Variants in RTN4RL1 observed in about 807,000 individuals in gnomAD.
The protein encoded by RTN4RL1 is reticulon-4 receptor-like 1.
In RTN4RL1, 7 loss-of-function variants were observed where a neutral mutation model predicts 25.6. That is an observed-to-expected ratio of 0.27 (90% CI 0.16 to 0.51). The LOEUF (loss-of-function observed/expected upper bound fraction) is 0.51, where lower values mean the gene tolerates loss of function less well. Ranked by LOEUF, RTN4RL1 falls within the 20% of genes least tolerant of loss-of-function variation. The pLI is 0.97. For synonymous variants in RTN4RL1, 297 were observed against 288.2 expected (o/e 1.03, Z -0.31); for missense variants, 500 against 615.6 (o/e 0.81, Z 1.99).
At chr17:1,975,929 A>T (rs1426191736) in intron 1 of RTN4RL1, among the ~76,000 whole-genome samples, 1 of 152,242 alleles carries the variant, frequency 6.6e-6, no homozygotes, top group Non-Finnish European at 1.5e-5. Context: ...AAATAAAAAC[A>T]GTAGCCCGTA....
chr17:1,975,350 C>A (rs2066838369), intron 1 of RTN4RL1, among the ~76,000 whole-genome samples: 1 of 152,126 alleles, frequency 6.6e-6, no homozygotes, highest in Non-Finnish European at 1.5e-5. Context: ...TTCAGAGCAT[C>A]AGCAGAAAAC....
chr17:1,945,229 T>A (rs940954589), intron 1 of RTN4RL1, among the ~76,000 whole-genome samples: 1 of 152,104 alleles, frequency 6.6e-6, no homozygotes, highest in Non-Finnish European at 1.5e-5. Context: ...GGTGGTTTTG[T>A]TTTTTGTTTT....
intron 1 of RTN4RL1, among the ~76,000 whole-genome samples, chr17:1,965,114 C>T (rs1349422441): frequency 7.3e-6 from 1 of 137,750 alleles, no homozygotes. Flanking sequence ...TTCTTTCTTT[C>T]TTTTTTTTTT....
intron 1 of RTN4RL1, among the ~76,000 whole-genome samples, chr17:2,002,662 T>C (rs1013917379): frequency 9.2e-5 from 14 of 152,104 alleles, no homozygotes; most frequent in Admixed American, 9.2e-4. Context: ...CTTTCTTTTC[T>C]CTGTCTCTGT....
intron 1 of RTN4RL1, among the ~76,000 whole-genome samples, chr17:1,976,797 G>A (rs1017186375): frequency 6.6e-5 from 10 of 152,320 alleles, no homozygotes; most frequent in African/African-American, 2.2e-4. Flanking sequence ...ACTAAAGCCC[G>A]GTCTTTGGGT....
chr17:1,971,961 C>CAAAA (rs1323277246), intron 1 of RTN4RL1, among the ~76,000 whole-genome samples: 16 of 59,872 alleles, frequency 2.7e-4, no homozygotes, highest in African/African-American at 8.6e-4. Context: ...GACTCCCTCT[C>CAAAA]AAAAAAAAAA....
At chr17:1,937,839 G>C in intron 1 of RTN4RL1, 31 bp from the exon 2 acceptor site, 1 of 1,523,376 alleles carries the variant, frequency 6.6e-7, no homozygotes. Context: ...AGCCAGGTCA[G>C]GGGCCGTGCA....
intron 1 of RTN4RL1, among the ~76,000 whole-genome samples, chr17:1,953,083 T>C (rs958278811): frequency 6.7e-6 from 1 of 150,112 alleles, no homozygotes; most frequent in African/African-American, 2.5e-5. Flanking sequence ...AAAAATAAAA[T>C]AAAATAAAAT....
chr17:1,936,571 C>T lies in RTN4RL1; in HGVS notation c.1251G>A (p.Gln417=). 3 of 1,567,662 alleles carry T rather than the reference C, an allele frequency of 1.9e-6. No homozygotes were observed. Among genetic ancestry groups the T allele is most frequent in the Non-Finnish European group, 2.6e-6 (3 of 1,156,958 alleles). ...CCAGGGAACTGGCCGAGGAGGCCTG[C>T]TGCACCCCGCTGGGGGCACGGATGG... The part of the protein sequence containing the change: ...RTPIRAPSGV[Q]QASSASSLGA... The change falls in exon 2 of 2, where the codon CAG becomes CAA. Residue 417 remains glutamine, a synonymous_variant. Transcript: ENST00000331238.
chr17:1,967,591 A>C (rs2066797777), intron 1 of RTN4RL1, among the ~76,000 whole-genome samples: 1 of 150,682 alleles, frequency 6.6e-6, no homozygotes, highest in African/African-American at 2.4e-5. Flanking sequence ...CTCCTCCCAG[A>C]CAGCCATGCA....
At chr17:2,012,219 G>A (rs1478863175) in intron 1 of RTN4RL1, among the ~76,000 whole-genome samples, 20 of 152,216 alleles carry the variant, frequency 1.3e-4, no homozygotes, top group Non-Finnish European at 1.9e-4. Context: ...CATCTGCCAA[G>A]TACAACCCTA....
chr17:1,948,720 CTGTT>C (rs944456092), intron 1 of RTN4RL1, among the ~76,000 whole-genome samples: 3 of 140,020 alleles, frequency 2.1e-5, no homozygotes, highest in Admixed American at 7.1e-5. Context: ...TGGCAAATGT[CTGTT>C]TGTGATGCCT....
At chr17:1,977,590 C>T (rs1375750152) in intron 1 of RTN4RL1, among the ~76,000 whole-genome samples, 2 of 152,104 alleles carry the variant, frequency 1.3e-5, no homozygotes, top group Non-Finnish European at 2.9e-5. Flanking sequence ...AGACCTGGGG[C>T]GGCCTGGCCA....
At position 2,025,296 on chromosome 17, in the gene RTN4RL1, G is replaced by T; in HGVS notation, c.-431C>A. The T allele has an allele frequency of 6.4e-6, 1 of 156,428 alleles. No individual in the cohort carries two copies. Among genetic ancestry groups the T allele is most frequent in the Non-Finnish European group, 1.4e-5 (1 of 71,008 alleles). The allele number at this position is 156,428 out of a possible 1,614,324, so 9.7% of individuals were successfully genotyped here. A position where few individuals can be genotyped will look rare whatever the true frequency, so the allele number is the denominator to read the frequency against. Reference sequence around the variant, plus strand: ...CGCTCGCACGCACCGCCGAGCTCCGGGGAAAGCGCCCGGCGCGCGTTTGCA... The same window carrying T: ...CGCTCGCACGCACCGCCGAGCTCCGTGGAAAGCGCCCGGCGCGCGTTTGCA... On this transcript the variant is annotated 5_prime_UTR_variant, in exon 1 of 2. Transcript: ENST00000331238. This position sits in a 1 kb window ranked among gnomAD's most constrained non-coding sequence, Gnocchi z 4.8.
In RTN4RL1 at chr17:1,994,033, C is replaced by T. The variant is rs1441931839; in HGVS notation, c.13+30820G>A. 6.6e-6 allele frequency among the ~76,000 whole-genome samples: 1 copy of T among 152,126 alleles called. No individual in the cohort carries two copies. Among genetic ancestry groups the T allele is most frequent in the African/African-American group, 2.4e-5 (1 of 41,410 alleles). On this transcript the variant is annotated intron_variant, in intron 1 of 1. Transcript: ENST00000331238. This position sits in a 1 kb window ranked among gnomAD's most constrained non-coding sequence, Gnocchi z 4.3. The stretch of plus-strand genomic sequence containing the variant: ...CAGAACTGGTAGAAAAACAAAGCCC[C>T]CCAGTCCCCACCCCCGGCTACGCTG...
intron 1 of RTN4RL1, among the ~76,000 whole-genome samples, chr17:1,967,524 A>G (rs1386695959): frequency 6.6e-6 from 1 of 151,714 alleles, no homozygotes; most frequent in Non-Finnish European, 1.5e-5. Flanking sequence ...AACTTCTCCA[A>G]AGGCCGCCTC....
chr17:1,945,322 A>G (rs1050929863), intron 1 of RTN4RL1, among the ~76,000 whole-genome samples: 3 of 152,180 alleles, frequency 2.0e-5, no homozygotes, highest in Non-Finnish European at 4.4e-5. Flanking sequence ...TCCCGGGTTC[A>G]AGCGATTCTC....
intron 1 of RTN4RL1, among the ~76,000 whole-genome samples, chr17:1,946,466 C>T (rs2151305981): frequency 6.6e-6 from 1 of 152,218 alleles, no homozygotes; most frequent in South Asian, 2.1e-4. Flanking sequence ...GGTCTGTGTC[C>T]ATCTATGTTG....
At chr17:1,946,704 G>A (rs1477307531) in intron 1 of RTN4RL1, among the ~76,000 whole-genome samples, 3 of 149,826 alleles carry the variant, frequency 2.0e-5, no homozygotes, top group South Asian at 2.1e-4. Flanking sequence ...GTGTGTGCAC[G>A]GGGTCTGTGT....
Sources: allele counts gnomAD v4.1 joint callset (sites outside exome capture counted in the v4.1 genomes callset), GRCh38; gene constraint gnomAD v4.1.1; non-coding constraint Gnocchi (gnomAD v3.1); transcripts MANE v1.5; gene names NCBI Gene and HGNC (gene_info 2026-07-23, HGNC 2026-07-21).